The following TMPRSS11D variants were observed in gnomAD, a reference collection of about 807,000 sequenced individuals.
The protein encoded by TMPRSS11D is transmembrane protease serine 11D.
TMPRSS11D carries 32 observed loss-of-function variants against 44.4 expected under a neutral mutation model. That is an observed-to-expected ratio of 0.72 (90% CI 0.54 to 0.97). TMPRSS11D has a LOEUF of 0.97. TMPRSS11D is among the 50% of genes least tolerant of loss of function. The probability of loss-of-function intolerance (pLI) is 0.00; values close to 1 mark genes in which losing one functional copy is unlikely to be tolerated. For synonymous variants in TMPRSS11D, 179 were observed against 177.9 expected (o/e 1.01, Z -0.05); for missense variants, 446 against 502.6 (o/e 0.89, Z 1.08).
intron 1 of TMPRSS11D, among the ~76,000 whole-genome samples, chr4:67,862,880 G>C (rs1488173337): frequency 6.6e-6 from 1 of 151,860 alleles, no homozygotes; most frequent in African/African-American, 2.4e-5. Context: ...ACACAGGGAG[G>C]GGAACATCAC....
chr4:67,865,843 GA>G (rs565905559), intron 1 of TMPRSS11D, among the ~76,000 whole-genome samples: 3 of 151,354 alleles, frequency 2.0e-5, no homozygotes, highest in South Asian at 2.1e-4. Context: ...AATTGAATAA[GA>G]AAAAAAACAT....
At chr4:67,882,069 C>T (rs925220852) in intron 1 of TMPRSS11D, among the ~76,000 whole-genome samples, 18 of 151,888 alleles carry the variant, frequency 1.2e-4, no homozygotes, top group African/African-American at 1.2e-4. Context: ...CTGGGCCCTA[C>T]GGTAGGATTT....
chr4:67,822,914 T>C (rs1225604535), intron 9 of TMPRSS11D, among the ~76,000 whole-genome samples: 2 of 152,216 alleles, frequency 1.3e-5, no homozygotes, highest in Admixed American at 1.3e-4. Context: ...AAAAGCATAT[T>C]TGTGCATTTG....
chr4:67,827,041 T>C (rs1269080882), intron 8 of TMPRSS11D, among the ~76,000 whole-genome samples: 2 of 152,104 alleles, frequency 1.3e-5, no homozygotes, highest in Non-Finnish European at 2.9e-5. Flanking sequence ...TTTTACATTT[T>C]CCTATTACTA....
rs139507583 is a variant in TMPRSS11D at position 67,827,485 on chromosome 4, C to A, written c.728G>T (p.Gly243Val). The change falls in exon 8 of 10, where the codon GGT (glycine) becomes GTT (valine). Residue 243 changes from glycine to valine, a missense_variant. Transcript: ENST00000283916. Reference sequence around the variant, plus strand: ...TAGTTTAGGAAATGTTGTGGAAATACCAGACGTGGCAATCCAGTCACGAGG... The same window carrying A: ...TAGTTTAGGAAATGTTGTGGAAATAACAGACGTGGCAATCCAGTCACGAGG... ...SNPRDWIATS[G>V]ISTTFPKLRM... The A allele has an allele frequency of 6.2e-7, 1 of 1,609,088 alleles. No individual in the cohort carries two copies. Among genetic ancestry groups the A allele is most frequent in the Non-Finnish European group, 8.5e-7 (1 of 1,177,354 alleles).
chr4:67,853,571 G>A (rs2109683289), intron 3 of TMPRSS11D, among the ~76,000 whole-genome samples: 1 of 152,268 alleles, frequency 6.6e-6, no homozygotes, highest in Admixed American at 6.5e-5. Flanking sequence ...CAGGCACCCA[G>A]AGGCTCTCTT....
At chr4:67,865,312 G>T (rs1175153465) in intron 1 of TMPRSS11D, among the ~76,000 whole-genome samples, 3 of 151,378 alleles carry the variant, frequency 2.0e-5, no homozygotes, top group Admixed American at 6.6e-5. Flanking sequence ...AAAAAATTTT[G>T]AAATGAATGA....
At chr4:67,873,530 A>G (rs1471543547) in intron 1 of TMPRSS11D, among the ~76,000 whole-genome samples, 2 of 152,224 alleles carry the variant, frequency 1.3e-5, no homozygotes, top group Non-Finnish European at 2.9e-5. Context: ...CACAGGTTAA[A>G]TAAATAAAAA....
chr4:67,849,538 CA>C (rs1425766353), intron 3 of TMPRSS11D, among the ~76,000 whole-genome samples: 1 of 151,764 alleles, frequency 6.6e-6, no homozygotes, highest in Admixed American at 6.6e-5. Context: ...AAGTAATGAC[CA>C]GTGAGGCAGG....
chr4:67,822,240 A>T lies in TMPRSS11D; in HGVS notation c.*97T>A. Reference sequence around the variant, plus strand: ...TTATGTAACAAGATGTTAAATTAGGACATTTCTAGTTTCTTTTTCAGTTGA... The same window carrying T: ...TTATGTAACAAGATGTTAAATTAGGTCATTTCTAGTTTCTTTTTCAGTTGA... On this transcript the variant is annotated 3_prime_UTR_variant, in exon 10 of 10. Transcript: ENST00000283916. The T allele has an allele frequency of 5.3e-6, 7 of 1,311,840 alleles. No homozygotes were observed. The highest frequency in any genetic ancestry group is 6.4e-6 in the Non-Finnish European group (6 of 939,292). 81.3% of individuals were successfully genotyped at this position (1,311,840 alleles called of 1,614,324 possible).
chr4:67,861,536 A>G (rs1263609109), intron 1 of TMPRSS11D, among the ~76,000 whole-genome samples: 2 of 152,118 alleles, frequency 1.3e-5, no homozygotes, highest in Non-Finnish European at 1.5e-5. Context: ...AGATGAGCTG[A>G]TATGTCAGGA....
chr4:67,867,751 G>T (rs187598545), intron 1 of TMPRSS11D, among the ~76,000 whole-genome samples: 19 of 152,182 alleles, frequency 1.2e-4, no homozygotes, highest in African/African-American at 4.1e-4. Flanking sequence ...TCAGAGAAGT[G>T]CAAATTAAAA....
intron 3 of TMPRSS11D, among the ~76,000 whole-genome samples, chr4:67,843,144 C>T (rs1365083050): frequency 4.3e-5 from 6 of 139,388 alleles, no homozygotes; most frequent in African/African-American, 1.6e-4. Context: ...TAATTCATAC[C>T]TAAGCATCAG....
At chr4:67,835,409 T>G (rs916626346) in intron 5 of TMPRSS11D, among the ~76,000 whole-genome samples, 3 of 152,170 alleles carry the variant, frequency 2.0e-5, no homozygotes, top group African/African-American at 7.2e-5. Context: ...ATATCTCTTT[T>G]TTCAAGTTAC....
At chr4:67,858,313 A>G (rs957430405) in intron 2 of TMPRSS11D, among the ~76,000 whole-genome samples, 3 of 152,154 alleles carry the variant, frequency 2.0e-5, no homozygotes, top group East Asian at 1.9e-4. Flanking sequence ...TTTGCAGATG[A>G]CTTACCAAGG....
Position 67,825,870 on chromosome 4 carries a change from G to A in TMPRSS11D, c.957C>T (p.His319=), listed in dbSNP as rs1183694768. ...GTCCTTGCCTTAGCTCTGGAACTGT[G>A]TGGCCTGTTTGTTATAAAAGCAGGA... The part of the protein sequence containing the change: ...TGWGAQEYAG[H]TVPELRQGQV... The change falls in exon 9 of 10, where the codon CAC becomes CAT. Residue 319 remains histidine, a synonymous_variant. Transcript: ENST00000283916. 6.2e-7 allele frequency: 1 copy of A among 1,608,296 alleles called. No homozygotes were observed. The highest frequency in any genetic ancestry group is 1.3e-5 in the African/African-American group (1 of 74,756).
intron 3 of TMPRSS11D, among the ~76,000 whole-genome samples, chr4:67,844,658 A>G (rs1440809722): frequency 6.6e-6 from 1 of 152,054 alleles, no homozygotes; most frequent in Non-Finnish European, 1.5e-5. Flanking sequence ...AGGCACCTGT[A>G]ATCCCAACTA....
At chr4:67,848,645 G>T (rs1440733) in intron 3 of TMPRSS11D, among the ~76,000 whole-genome samples, 144,113 of 152,286 alleles carry the variant, frequency 0.95, 68,705 homozygotes, top group East Asian at 1. Flanking sequence ...AGCTGAGATT[G>T]TCAGGAAGAA....
At chr4:67,862,663 T>C (rs572768789) in intron 1 of TMPRSS11D, among the ~76,000 whole-genome samples, 1 of 152,114 alleles carries the variant, frequency 6.6e-6, no homozygotes, top group East Asian at 1.9e-4. Context: ...AACCCAAATG[T>C]CCAACAATGA....
Sources: allele counts gnomAD v4.1 joint callset (sites outside exome capture counted in the v4.1 genomes callset), GRCh38; gene constraint gnomAD v4.1.1; transcripts MANE v1.5; gene names NCBI Gene and HGNC (gene_info 2026-07-23, HGNC 2026-07-21).